DNAH8: variants seen among roughly 807,000 people sequenced by gnomAD.
DNAH8 encodes the protein dynein axonemal heavy chain 8.
In DNAH8, 382 loss-of-function variants were observed where a neutral mutation model predicts 562.1. The observed-to-expected ratio is 0.68, with a 90% CI of 0.63 to 0.74. DNAH8 has a LOEUF of 0.74. DNAH8 is among the 30% of genes least tolerant of loss of function. The pLI, the probability that DNAH8 is intolerant of heterozygous loss-of-function variation, is 0.00. For missense variants in DNAH8, 5,203 were observed against 5,620.4 expected (o/e 0.93, Z 2.37); for synonymous variants, 1,881 against 1,919.4 (o/e 0.98, Z 0.52).
intron 8 of DNAH8, among the ~76,000 whole-genome samples, chr6:38,747,132 G>A (rs541001324): frequency 5.3e-5 from 8 of 152,174 alleles, no homozygotes; most frequent in African/African-American, 9.6e-5. Flanking sequence ...TGTGCCAAGC[G>A]TTGTGTTCAG....
At chr6:38,836,149 TAGG>T (rs369050764) in intron 32 of DNAH8, among the ~76,000 whole-genome samples, 154 of 152,250 alleles carry the variant, frequency 1.0e-3, no homozygotes, top group African/African-American at 3.5e-3. Flanking sequence ...GGGCATGTAG[TAGG>T]AGGAGTAGCT....
Position 38,890,726 on chromosome 6 carries a change from G to A in DNAH8, c.8548G>A (p.Val2850Ile). 6.2e-7 allele frequency: 1 copy of A among 1,613,808 alleles called. No homozygotes were observed. The highest frequency in any genetic ancestry group is 8.5e-7 in the Non-Finnish European group (1 of 1,179,724). The change falls in exon 58 of 93, where the codon GTC becomes ATC. Residue 2850 changes from valine to isoleucine, a missense_variant. Physicochemically the swap from Val to Ile is conservative, Grantham distance 29. Transcript: ENST00000327475. ...AATATGTGAGATGATTGTGAATTTA[G>A]TCTCAGTGGGTAGAGTGCTGTGGCA... ...PQICEMIVNL[V>I]SVGRVLWQWT...
chr6:38,779,943 C>T (rs746578849), intron 14 of DNAH8, 23 bp from the exon 15 acceptor site: 3 of 1,596,790 alleles, frequency 1.9e-6, no homozygotes, highest in East Asian at 2.2e-5. Flanking sequence ...ACTTTTTAAC[C>T]ATTCAGCTTT....
At chr6:38,874,415 G>A (rs1441806349) in intron 52 of DNAH8, among the ~76,000 whole-genome samples, 3 of 150,242 alleles carry the variant, frequency 2.0e-5, no homozygotes, top group Non-Finnish European at 1.5e-5. Context: ...GCCCAGGCTG[G>A]AGTGTAGTGG....
intron 82 of DNAH8, among the ~76,000 whole-genome samples, chr6:38,965,364 G>A (rs1234320000): frequency 6.6e-6 from 1 of 152,084 alleles, no homozygotes; most frequent in African/African-American, 2.4e-5. Flanking sequence ...AGAGCTTTCT[G>A]AATTTTGAAA....
At chr6:38,790,871 G>A (rs1352596782) in intron 20 of DNAH8, among the ~76,000 whole-genome samples, 2 of 151,338 alleles carry the variant, frequency 1.3e-5, no homozygotes, top group African/African-American at 4.9e-5. Flanking sequence ...TTACTGGATT[G>A]GGGTCTTCAT....
intron 3 of DNAH8, 120 bp downstream of exon 3, chr6:38,723,591 G>A (rs1184643830): frequency 1.1e-5 from 15 of 1,319,922 alleles, no homozygotes; most frequent in Non-Finnish European, 1.5e-5. Flanking sequence ...AGACAAAGTT[G>A]GGGCAGGGCA....
rs369271033 is a variant in DNAH8, at chr6:38,802,070, C to T, written c.2902-1109C>T. ...GCCTCAACCTCCTGAGTAGGTGGGA[C>T]CACAGGCACGCACCACCATGCCTGG... On this transcript the variant is annotated intron_variant, in intron 21 of 92. Coordinates refer to ENST00000327475, the MANE Select transcript of DNAH8 (RefSeq NM_001206927.2). 4.7e-5 allele frequency among the ~76,000 whole-genome samples: 7 copies of T among 150,082 alleles called. No individual in the cohort carries two copies. The East Asian group carries it at 1.4e-3, about 30-fold the overall frequency.
intron 43 of DNAH8, among the ~76,000 whole-genome samples, chr6:38,861,533 T>C (rs912084260): frequency 1.3e-5 from 2 of 152,218 alleles, no homozygotes; most frequent in Non-Finnish European, 2.9e-5. Context: ...TGGAGCTGAC[T>C]TGCATCAGCC....
At chr6:38,991,951 C>T (rs559898116) in intron 88 of DNAH8, among the ~76,000 whole-genome samples, 1 of 151,250 alleles carries the variant, frequency 6.6e-6, no homozygotes, top group Non-Finnish European at 1.5e-5. Context: ...GTTTGTATCA[C>T]CCACTGACAT....
intron 87 of DNAH8, 123 bp from the exon 88 acceptor site, chr6:38,989,889 A>C (rs1764662623): frequency 1.7e-6 from 1 of 605,330 alleles, no homozygotes; most frequent in South Asian, 2.2e-5. Context: ...TTGTTAAAGC[A>C]TTCTCAAAAT....
chr6:38,737,948 G>A lies in DNAH8; in HGVS notation c.1092G>A (p.Met364Ile), dbSNP rs1471980111. 6 of 1,609,404 alleles carry A rather than the reference G, an allele frequency of 3.7e-6. No homozygotes were observed. The highest frequency in any genetic ancestry group is 2.3e-5 in the East Asian group (1 of 44,228). Residue 364 changes from methionine to isoleucine, a missense_variant, in exon 7 of 93, where the codon ATG (methionine) becomes ATA (isoleucine). Physicochemically the swap from Met to Ile is conservative, Grantham distance 10. Transcript: ENST00000327475. ...ETVHQLEEVLMVWYKQIEQVL... is the reference protein window; with the variant it reads ...ETVHQLEEVLIVWYKQIEQVL... The stretch of plus-strand genomic sequence containing the variant: ...TTCATCAGCTGGAGGAAGTGCTGAT[G>A]GTATGGTACAAACAGATCGAACAGG...
chr6:38,739,931 C>T (rs1309879343), intron 7 of DNAH8, among the ~76,000 whole-genome samples: 2 of 151,996 alleles, frequency 1.3e-5, no homozygotes, highest in African/African-American at 4.8e-5. Flanking sequence ...TTTTCATGTA[C>T]CTGTAGTTAG....
At chr6:38,772,190 G>A (rs529813551) in intron 12 of DNAH8, among the ~76,000 whole-genome samples, 123 of 151,800 alleles carry the variant, frequency 8.1e-4, no homozygotes, top group Non-Finnish European at 1.3e-3. Flanking sequence ...CACTACGCCC[G>A]GCTAATTTTT....
intron 89 of DNAH8, among the ~76,000 whole-genome samples, chr6:39,011,526 T>C (rs1418090617): frequency 1.3e-5 from 2 of 152,218 alleles, no homozygotes. Context: ...CAAATTGAAA[T>C]GTGTATATTG....
chr6:39,026,190 C>T (rs147204094), intron 91 of DNAH8, among the ~76,000 whole-genome samples: 57 of 152,282 alleles, frequency 3.7e-4, no homozygotes, highest in Admixed American at 1.2e-3. Context: ...TTCACCATTC[C>T]GATCTTATTC....
chr6:39,017,604 T>G (rs1268274414), intron 91 of DNAH8, among the ~76,000 whole-genome samples: 3 of 152,232 alleles, frequency 2.0e-5, no homozygotes, highest in Non-Finnish European at 4.4e-5. Context: ...TGGAGCTTGA[T>G]GCCATTTAGA....
intron 91 of DNAH8, among the ~76,000 whole-genome samples, chr6:39,016,747 T>C (rs1766598486): frequency 6.6e-6 from 1 of 152,192 alleles, no homozygotes; most frequent in South Asian, 2.1e-4. Context: ...CAATGTGGCA[T>C]CTGATGCTGT....
At chr6:38,938,704 C>T (rs866287345) in intron 78 of DNAH8, 94 bp from the exon 79 acceptor site, 41 of 799,310 alleles carry the variant, frequency 5.1e-5, no homozygotes, top group Non-Finnish European at 6.6e-5. Context: ...ATAGGTTTAC[C>T]GACGTACAAA....
Sources: allele counts gnomAD v4.1 joint callset (sites outside exome capture counted in the v4.1 genomes callset), GRCh38; gene constraint gnomAD v4.1.1; transcripts MANE v1.5; gene names NCBI Gene and HGNC (gene_info 2026-07-23, HGNC 2026-07-21).